MET: variants seen among roughly 807,000 people sequenced by gnomAD.
MET encodes the protein MET proto-oncogene, receptor tyrosine kinase.
Under a neutral mutation model 133.1 loss-of-function variants are expected in MET, and 48 were observed. The observed-to-expected ratio is 0.36, with a 90% CI of 0.29 to 0.46. The LOEUF is 0.46. Ranked by LOEUF, MET falls within the 20% of genes least tolerant of loss-of-function variation. MET has a pLI of 1.00. For missense variants in MET, 1,442 were observed against 1,695.9 expected (o/e 0.85, Z 2.63); for synonymous variants, 628 against 616.5 (o/e 1.02, Z -0.28).
chr7:116,774,183 TGCCTGAGG>T (rs1794919012), intron 14 of MET, among the ~76,000 whole-genome samples: 1 of 152,226 alleles, frequency 6.6e-6, no homozygotes, highest in South Asian at 2.1e-4. Flanking sequence ...AAGGGAACTT[TGCCTGAGG>T]TTCTTACAGA....
At chr7:116,733,755 G>A (rs894736877) in intron 3 of MET, among the ~76,000 whole-genome samples, 1 of 151,944 alleles carries the variant, frequency 6.6e-6, no homozygotes, top group Non-Finnish European at 1.5e-5. Context: ...TATCAAATAA[G>A]TATCAAGAAC....
At chr7:116,715,104 T>A (rs1470219848) in intron 2 of MET, among the ~76,000 whole-genome samples, 2 of 152,200 alleles carry the variant, frequency 1.3e-5, no homozygotes, top group African/African-American at 2.4e-5. Flanking sequence ...AGGCAGGGAT[T>A]TATGTCTTTT....
At chr7:116,778,491 CTTTATGAAACCTAAGT>C (rs946271316) in intron 16 of MET, among the ~76,000 whole-genome samples, 1 of 152,172 alleles carries the variant, frequency 6.6e-6, no homozygotes, top group African/African-American at 2.4e-5. Flanking sequence ...AATGGACAGT[CTTTATGAAACCTAAGT>C]ATAACCTTTG....
intron 19 of MET, 128 bp from the exon 20 acceptor site, chr7:116,795,527 T>C: frequency 5.7e-6 from 7 of 1,226,944 alleles, no homozygotes; most frequent in Non-Finnish European, 8.3e-6. Flanking sequence ...TTTAAGAAAA[T>C]TGTTGCCCAA....
In MET at chr7:116,790,072, G is replaced by A. The variant is rs570263538; in HGVS notation, c.3799-5583G>A. 7.9e-5 allele frequency among the ~76,000 whole-genome samples: 12 copies of A among 152,236 alleles called. No homozygotes were observed. The East Asian group carries it at 2.1e-3, about 27-fold the overall frequency. ...GCGGTATTTGGTTTTCTGTTCCTGC[G>A]TTAGTTTGCTAAGGATAACAGCTTC... On this transcript the variant is annotated intron_variant, in intron 19 of 20. Transcript: ENST00000397752.
chr7:116,765,918 A>T (rs1794610648), intron 11 of MET, among the ~76,000 whole-genome samples: 1 of 152,186 alleles, frequency 6.6e-6, no homozygotes, highest in African/African-American at 2.4e-5. Context: ...GCTCACACTC[A>T]GGCTTCTTGA....
At chr7:116,795,600 C>T (rs1462846133) in intron 19 of MET, 55 bp from the exon 20 acceptor site, 7 of 1,611,016 alleles carry the variant, frequency 4.3e-6, no homozygotes, top group Non-Finnish European at 5.9e-6. Flanking sequence ...GATTTCCTTT[C>T]ATATATGTAT....
At chr7:116,707,172 G>A (rs1791828704) in intron 2 of MET, among the ~76,000 whole-genome samples, 1 of 151,894 alleles carries the variant, frequency 6.6e-6, no homozygotes, top group African/African-American at 2.4e-5. Context: ...CTCCCCACAA[G>A]AGGAAAGAAA....
chr7:116,684,171 T>A (rs570341142), intron 1 of MET, among the ~76,000 whole-genome samples: 2 of 152,382 alleles, frequency 1.3e-5, no homozygotes, highest in East Asian at 3.9e-4. Flanking sequence ...AGACAATTTT[T>A]TAGCCATTCT....
rs762306750 is a variant in MET, at chr7:116,731,654, A to G, written c.1201-14A>G. The G allele has an allele frequency of 2.2e-4, 353 of 1,613,626 alleles. No homozygotes were observed. Among genetic ancestry groups the G allele is most frequent in the Non-Finnish European group, 2.8e-4 (331 of 1,179,646 alleles). On this transcript the variant is annotated splice_polypyrimidine_tract_variant and intron_variant, in intron 2 of 20. Coordinates refer to ENST00000397752, the MANE Select transcript of MET (RefSeq NM_000245.4). ...CTGGATTCACATTAACTCTATGACCATATTTTATTCCAGACACTTCTGAGA... is the reference window on the plus strand; with the variant it reads ...CTGGATTCACATTAACTCTATGACCGTATTTTATTCCAGACACTTCTGAGA...
At chr7:116,698,389 T>C (rs896391898) in intron 1 of MET, among the ~76,000 whole-genome samples, 18 of 152,220 alleles carry the variant, frequency 1.2e-4, no homozygotes, top group Admixed American at 8.5e-4. Flanking sequence ...TTGTATTTTA[T>C]ACATTTTCAG....
chr7:116,707,278 C>G (rs915870536), intron 2 of MET, among the ~76,000 whole-genome samples: 15 of 151,916 alleles, frequency 9.9e-5, no homozygotes, highest in Admixed American at 1.3e-4. Context: ...AACAGTATAA[C>G]TATAAAACAA....
At chr7:116,732,355 G>A (rs1455412759) in intron 3 of MET, among the ~76,000 whole-genome samples, 1 of 152,102 alleles carries the variant, frequency 6.6e-6, no homozygotes, top group Non-Finnish European at 1.5e-5. Flanking sequence ...TAAAATGGTA[G>A]GGTTGGATGC....
chr7:116,754,731 T>C (rs951053003), intron 5 of MET, among the ~76,000 whole-genome samples: 2 of 151,072 alleles, frequency 1.3e-5, no homozygotes, highest in Non-Finnish European at 2.9e-5. Flanking sequence ...GTGGGAGGAT[T>C]GCTTGAGCTC....
At chr7:116,779,557 CT>C (rs1169602037) in intron 17 of MET, among the ~76,000 whole-genome samples, 2 of 152,122 alleles carry the variant, frequency 1.3e-5, no homozygotes, top group African/African-American at 4.8e-5. Context: ...CTCCTCTTCC[CT>C]GCTCTATTTT....
rs145688984 is a variant in MET, at chr7:116,695,004, G to T, written c.-14-4067G>T. Among the ~76,000 whole-genome samples the T allele has an allele frequency of 7.3e-3, 1,110 of 152,272 alleles. 41 individuals are homozygous for T. Among genetic ancestry groups the T allele is most frequent in the Admixed American group, 0.057 (873 of 15,276 alleles). On this transcript the variant is annotated intron_variant, in intron 1 of 20. Transcript: ENST00000397752. ...CTTCAAAAAGCCTAGAAGAAAAAAT[G>T]TCATTCACACTTCACACTGCATTAA... is the stretch of plus-strand genomic sequence containing the variant.
intron 1 of MET, among the ~76,000 whole-genome samples, chr7:116,687,806 C>A (rs558297687): frequency 6.6e-6 from 1 of 152,316 alleles, no homozygotes; most frequent in Admixed American, 6.5e-5. Context: ...CTCATTCAAA[C>A]GCTCTGCATT....
At position 116,677,970 on chromosome 7, in the gene MET, TC is replaced by T. The variant is rs1356699546; in HGVS notation, c.-15+5394del. Among the ~76,000 whole-genome samples, 4 of 89,758 alleles carry T rather than the reference TC, an allele frequency of 4.5e-5. No homozygotes were observed. The East Asian group carries it at 1.2e-3, about 27-fold the overall frequency. 58.9% of individuals were successfully genotyped at this position (89,758 alleles called of 152,430 possible). ...AACTCCCCCTTTGGAATATTGTCTT[TC>T]TCTCTCTCTCTCTCTGTCTCTCTCT... On this transcript the variant is annotated intron_variant, in intron 1 of 20. Transcript: ENST00000397752.
rs528380080 is a variant in MET, at chr7:116,677,997, C to G, written c.-15+5420C>G. Among the ~76,000 whole-genome samples, 36 of 150,654 alleles carry G rather than the reference C, an allele frequency of 2.4e-4. 1 individual carries two copies. The South Asian group carries it at 7.4e-3, about 31-fold the overall frequency. On this transcript the variant is annotated intron_variant, in intron 1 of 20. Transcript: ENST00000397752. ...TCTCTCTCTCTCTCTGTCTCTCTCTCTCTCTGTCTCTGTCTCTGGAAATGA... is the reference window on the plus strand; with the variant it reads ...TCTCTCTCTCTCTCTGTCTCTCTCTGTCTCTGTCTCTGTCTCTGGAAATGA...
Sources: gnomAD v4.1 joint callset for allele counts (sites outside exome capture counted in the v4.1 genomes callset) on GRCh38, gnomAD v4.1.1 for gene constraint, MANE v1.5 for transcripts, NCBI Gene and HGNC (gene_info 2026-07-23, HGNC 2026-07-21) for gene names.